The following DNAJC21 variants were observed in gnomAD, a reference collection of about 807,000 sequenced individuals.
The protein encoded by DNAJC21 is DnaJ heat shock protein family (Hsp40) member C21, also known as dnaJ homolog subfamily C member 21.
A neutral mutation model predicts 72.4 loss-of-function variants in DNAJC21; 63 were observed. The observed-to-expected ratio is 0.87, with a 90% CI of 0.71 to 1.07. DNAJC21 has a LOEUF of 1.07. DNAJC21 is among the 50% of genes least tolerant of loss of function. DNAJC21 has a pLI of 0.00. For missense variants in DNAJC21, 634 were observed against 644.8 expected (o/e 0.98, Z 0.18); for synonymous variants, 203 against 216.7 (o/e 0.94, Z 0.56).
intron 7 of DNAJC21, among the ~76,000 whole-genome samples, chr5:34,944,449 C>G (rs926236054): frequency 6.6e-6 from 1 of 152,170 alleles, no homozygotes; most frequent in African/African-American, 2.4e-5. Flanking sequence ...TGTAAAAACA[C>G]TTAGCAAATA....
At chr5:34,934,045 T>A (rs779892416) in intron 2 of DNAJC21, 137 bp downstream of exon 2, 1 of 647,040 alleles carries the variant, frequency 1.5e-6, no homozygotes, top group Non-Finnish European at 2.5e-6. Flanking sequence ...AGTCATCACA[T>A]AAAATCTAAC....
At chr5:34,951,369 T>G (rs1765358732) in intron 10 of DNAJC21, 1 of 985,290 alleles carries the variant, frequency 1.0e-6, no homozygotes, top group Admixed American at 6.2e-5. Context: ...AGGCTGACAC[T>G]TCATTCCATC....
Position 34,929,855 on chromosome 5 carries a change from C to T in DNAJC21, c.36C>T (p.Arg12=), listed in dbSNP as rs768651904. The change falls in exon 1 of 12, where the codon CGC becomes CGT. Residue 12 remains arginine, a synonymous_variant. Coordinates refer to ENST00000648817, the MANE Select transcript of DNAJC21 (RefSeq NM_001012339.3). The stretch of plus-strand genomic sequence containing the variant: ...ACTATGAGGCGCTGGGGGTGCGGCG[C>T]GACGCCAGCGAGGAGGAGCTCAAGA... ...KCHYEALGVR[R]DASEEELKKA... The T allele has an allele frequency of 1.9e-6, 3 of 1,579,416 alleles. No homozygotes were observed. The South Asian group carries it at 3.4e-5, about 18-fold the overall frequency.
intron 10 of DNAJC21, chr5:34,951,774 T>C (rs1765375280): frequency 2.0e-6 from 2 of 982,136 alleles, no homozygotes; most frequent in Non-Finnish European, 2.4e-6. Flanking sequence ...TCTGCCCGCC[T>C]TGGCCTACCA....
intron 2 of DNAJC21, among the ~76,000 whole-genome samples, 197 bp downstream of exon 2, chr5:34,934,105 C>G (rs1018122518): frequency 3.3e-5 from 5 of 152,128 alleles, no homozygotes; most frequent in African/African-American, 1.2e-4. Context: ...TATCTGATAT[C>G]ATAGGGGGTG....
chr5:34,939,564 C>A (rs1426374401), intron 6 of DNAJC21, among the ~76,000 whole-genome samples: 2 of 152,162 alleles, frequency 1.3e-5, no homozygotes, highest in African/African-American at 4.8e-5. Flanking sequence ...CGCGCCCGGC[C>A]AAGTGTGACT....
At chr5:34,936,118 A>C in intron 3 of DNAJC21, 26 bp from the exon 4 acceptor site, 1 of 1,594,052 alleles carries the variant, frequency 6.3e-7, no homozygotes, top group Non-Finnish European at 8.5e-7. Context: ...AAGTATTAAG[A>C]ATTTGTTTTT....
rs377278604 is a variant in DNAJC21, at chr5:34,951,614, G to T, written c.1358+1272G>T. Reference sequence around the variant, plus strand: ...GCAACCTCGGCTCACTGCAACCTCCGCCTCCTGGGTTCAAGCAATTCTCCT... The same window carrying T: ...GCAACCTCGGCTCACTGCAACCTCCTCCTCCTGGGTTCAAGCAATTCTCCT... On this transcript the variant is annotated intron_variant, in intron 10 of 11. Transcript: ENST00000648817. 16 of 945,872 alleles carry T rather than the reference G, an allele frequency of 1.7e-5. No homozygotes were observed. The East Asian group carries it at 9.4e-4, about 56-fold the overall frequency. 58.6% of individuals were successfully genotyped at this position (945,872 alleles called of 1,614,324 possible).
intron 7 of DNAJC21, among the ~76,000 whole-genome samples, chr5:34,941,560 CTTT>C (rs765889955): frequency 3.9e-5 from 3 of 76,092 alleles, no homozygotes; most frequent in African/African-American, 5.0e-5. Context: ...CTTGTGTTTT[CTTT>C]TTTTTTTTTT....
intron 1 of DNAJC21, among the ~76,000 whole-genome samples, chr5:34,930,769 A>G (rs916947670): frequency 6.6e-6 from 1 of 152,220 alleles, no homozygotes; most frequent in Non-Finnish European, 1.5e-5. Context: ...ACTGCACTCT[A>G]CTAAGTAGAT....
rs1384882909 is a variant in DNAJC21, at chr5:34,950,217, G to T, written c.1233G>T (p.Lys411Asn). ...TAAATGGACCTGGAGAAGGAGTAAA[G>T]GTTGATCCAGAAGATACTAACTTAA... is the stretch of plus-strand genomic sequence containing the variant. ...FNVNGPGEGV[K>N]VDPEDTNLNQ... Residue 411 changes from lysine (K) to asparagine (N), a missense_variant, in exon 10 of 12, where the codon AAG becomes AAT. Coordinates refer to ENST00000648817, the MANE Select transcript of DNAJC21 (RefSeq NM_001012339.3). 1.2e-6 allele frequency: 2 copies of T among 1,613,288 alleles called. No individual in the cohort carries two copies. The highest frequency in any genetic ancestry group is 2.7e-5 in the African/African-American group (2 of 74,882).
At position 34,954,712 on chromosome 5, in the gene DNAJC21, T is replaced by C; in HGVS notation, c.1594T>C (p.Ter532GlnextTer14). Residue 532 changes from the stop codon to glutamine (Q), a stop_lost, in exon 12 of 12, where the codon TAG becomes CAG. Transcript: ENST00000648817. ...CAAGAAAGAGAAACGTAAAAACAGA[T>C]AGAGATTCTGCCTGTGCTTTTGTTT... ...QSKKEKRKNR* is the reference protein window; with the variant it reads ...QSKKEKRKNRQ 1 of 1,594,800 alleles carries C rather than the reference T, an allele frequency of 6.3e-7. No homozygotes were observed. Among genetic ancestry groups the C allele is most frequent in the Non-Finnish European group, 8.5e-7 (1 of 1,171,366 alleles).
intron 6 of DNAJC21, among the ~76,000 whole-genome samples, chr5:34,939,424 C>A (rs534786145): frequency 9.9e-4 from 150 of 152,266 alleles, no homozygotes; most frequent in African/African-American, 3.6e-3. Flanking sequence ...CGCCACCGCG[C>A]CCGGCTAATT....
Position 34,941,184 on chromosome 5 carries a change from G to A in DNAJC21, c.983+1G>A, listed in dbSNP as rs368148362. 6.1e-5 allele frequency: 98 copies of A among 1,613,196 alleles called. No homozygotes were observed. Among genetic ancestry groups the A allele is most frequent in the Middle Eastern group, 1.6e-4 (1 of 6,066 alleles). ...ACAAATCGTTCAAGACAGAAAAGGC[G>A]TAAGTTTATTAATTTAATTTAATTT... On this transcript the variant is annotated splice_donor_variant, in intron 7 of 11. Transcript: ENST00000648817. LOFTEE classifies it high-confidence loss of function.
chr5:34,957,649 A>T lies in DNAJC21; in HGVS notation c.*2935A>T, dbSNP rs1765574394. ...CTCCCCTACAAAATTTTCAGATTGG[A>T]AATTACTCTTGTATTTGTAGAAGAT... On this transcript the variant is annotated 3_prime_UTR_variant, in exon 12 of 12. Coordinates refer to ENST00000648817, the MANE Select transcript of DNAJC21 (RefSeq NM_001012339.3). The T allele has an allele frequency of 6.6e-6, 1 of 152,152 alleles. No homozygotes were observed. Among genetic ancestry groups the T allele is most frequent in the African/African-American group, 2.4e-5 (1 of 41,432 alleles). The allele number at this position is 152,152 out of a possible 1,614,324, so 9.4% of individuals were successfully genotyped here.
Position 34,958,241 on chromosome 5 carries a change from T to G in DNAJC21, c.*3527T>G, listed in dbSNP as rs904342607. On this transcript the variant is annotated 3_prime_UTR_variant, in exon 12 of 12. Transcript: ENST00000648817. Reference sequence around the variant, plus strand: ...TGTCCTAACAATGTCAAAGAATATTTTAAAGGTATACCAGTTAAAGTAGTG... The same window carrying G: ...TGTCCTAACAATGTCAAAGAATATTGTAAAGGTATACCAGTTAAAGTAGTG... 30 of 152,188 alleles carry G rather than the reference T, an allele frequency of 2.0e-4. No individual in the cohort carries two copies. The highest frequency in any genetic ancestry group is 2.5e-4 in the Non-Finnish European group (17 of 68,016). 9.4% of individuals were successfully genotyped at this position (152,188 alleles called of 1,614,324 possible).
chr5:34,945,970 T>C (rs1417714000), intron 9 of DNAJC21, among the ~76,000 whole-genome samples, 167 bp downstream of exon 9: 1 of 151,580 alleles, frequency 6.6e-6, no homozygotes. Flanking sequence ...TTTTAGTGCT[T>C]CCCCCCCCTT....
At chr5:34,938,793 A>G in intron 5 of DNAJC21, 65 bp from the exon 6 acceptor site, 6 of 1,454,468 alleles carry the variant, frequency 4.1e-6, no homozygotes, top group East Asian at 2.5e-5. Flanking sequence ...TTTTAAACCT[A>G]AGTAGTAAGT....
chr5:34,938,501 A>G (rs1038794868), intron 5 of DNAJC21, among the ~76,000 whole-genome samples: 13 of 152,244 alleles, frequency 8.5e-5, no homozygotes, highest in Non-Finnish European at 1.8e-4. Flanking sequence ...CCAGAGCATT[A>G]TAGCATACTT....
Sources: gnomAD v4.1 joint callset for allele counts (sites outside exome capture counted in the v4.1 genomes callset) on GRCh38, gnomAD v4.1.1 for gene constraint, MANE v1.5 for transcripts, NCBI Gene and HGNC (gene_info 2026-07-23, HGNC 2026-07-21) for gene names.